GABRA1: variants seen among roughly 807,000 people sequenced by gnomAD.
GABRA1 encodes the protein gamma-aminobutyric acid receptor subunit alpha-1.
In GABRA1, 9 loss-of-function variants were observed where a neutral mutation model predicts 48.9. The observed-to-expected ratio is 0.18, with a 90% CI of 0.11 to 0.32. The LOEUF (loss-of-function observed/expected upper bound fraction) is 0.32, where lower values mean the gene tolerates loss of function less well. Ranked by LOEUF, GABRA1 falls within the 10% of genes least tolerant of loss-of-function variation. The pLI is 1.00. For missense variants in GABRA1, 285 were observed against 553.8 expected, an observed-to-expected ratio of 0.51 and a Z score of 4.87; for synonymous variants, 210 against 198.7, an observed-to-expected ratio of 1.06 and a Z score of -0.48.
At chr5:161,881,523 T>C (rs12188970) in intron 6 of GABRA1, among the ~76,000 whole-genome samples, 28,887 of 152,002 alleles carry the variant, frequency 0.19, 3,409 homozygotes, top group Middle Eastern at 0.31. Flanking sequence ...ATGTAACTCA[T>C]CATCATGGAA....
intron 3 of GABRA1, among the ~76,000 whole-genome samples, chr5:161,863,760 T>A (rs1165585523): frequency 6.6e-6 from 1 of 151,984 alleles, no homozygotes; most frequent in Non-Finnish European, 1.5e-5. Flanking sequence ...GCTTTTTTTT[T>A]TCTAACAACA....
chr5:161,893,515 G>T (rs1755215513), intron 8 of GABRA1, among the ~76,000 whole-genome samples: 1 of 151,686 alleles, frequency 6.6e-6, no homozygotes, highest in Non-Finnish European at 1.5e-5. Flanking sequence ...AAAAACAAAA[G>T]AACCAAACAA....
intron 7 of GABRA1, among the ~76,000 whole-genome samples, chr5:161,888,808 G>A (rs557477944): frequency 3.3e-5 from 5 of 152,058 alleles, no homozygotes; most frequent in Middle Eastern, 3.4e-3. Flanking sequence ...GGAACACACA[G>A]AAAATAATAA....
chr5:161,860,106 C>G (rs1301153132), intron 3 of GABRA1, among the ~76,000 whole-genome samples: 1 of 151,578 alleles, frequency 6.6e-6, no homozygotes. Flanking sequence ...TACCAAAACC[C>G]CAAGAAGAAT....
intron 6 of GABRA1, among the ~76,000 whole-genome samples, chr5:161,878,535 A>G (rs1754465886): frequency 1.3e-5 from 2 of 152,214 alleles, no homozygotes; most frequent in African/African-American, 4.8e-5. Context: ...ATAAATGTTT[A>G]TGAATATTCT....
intron 3 of GABRA1, among the ~76,000 whole-genome samples, chr5:161,861,266 G>A (rs1034452685): frequency 6.6e-6 from 1 of 151,742 alleles, no homozygotes; most frequent in East Asian, 1.9e-4. Flanking sequence ...CAGGTACTCC[G>A]TAAATGCATA....
In GABRA1 at chr5:161,873,299, G is replaced by T. The variant is rs1415205830; in HGVS notation, c.438G>T (p.Leu146=). The T allele has an allele frequency of 6.2e-7, 1 of 1,613,758 alleles. No individual in the cohort carries two copies. Residue 146 remains leucine (L), a synonymous_variant, in exon 5 of 10, where the codon CTG becomes CTT. Transcript: ENST00000393943. Reference sequence around the variant, plus strand: ...ACATGACCATGCCCAACAAACTCCTGCGGATCACAGAGGATGGCACCTTGC... The same window carrying T: ...ACATGACCATGCCCAACAAACTCCTTCGGATCACAGAGGATGGCACCTTGC... The part of the protein sequence containing the change: ...AHNMTMPNKL[L]RITEDGTLLY...
At chr5:161,885,146 G>A (rs1283361610) in intron 7 of GABRA1, among the ~76,000 whole-genome samples, 3 of 152,130 alleles carry the variant, frequency 2.0e-5, no homozygotes, top group African/African-American at 4.8e-5. Context: ...AGAACAATGA[G>A]CAAATTCTCA....
intron 2 of GABRA1, among the ~76,000 whole-genome samples, chr5:161,852,811 T>C (rs1279077165): frequency 1.3e-5 from 2 of 151,988 alleles, no homozygotes; most frequent in African/African-American, 4.8e-5. Flanking sequence ...ATTAAAACTT[T>C]ATCAGAATAA....
At position 161,897,835 on chromosome 5, in the gene GABRA1, G is replaced by A. The variant is rs886060365; in HGVS notation, c.*413G>A. ...TTTTTATGTGAAGGTGTTTCAAAGG[G>A]TAAATTATAAATGTTTCATGAAGAA... On this transcript the variant is annotated 3_prime_UTR_variant, in exon 10 of 10. Transcript: ENST00000393943. The A allele has an allele frequency of 5.7e-5, 9 of 157,920 alleles. No homozygotes were observed. The highest frequency in any genetic ancestry group is 1.3e-4 in the Non-Finnish European group (9 of 71,998). 9.8% of individuals were successfully genotyped at this position (157,920 alleles called of 1,614,324 possible).
chr5:161,881,089 T>C (rs1754593819), intron 6 of GABRA1, among the ~76,000 whole-genome samples: 1 of 152,190 alleles, frequency 6.6e-6, no homozygotes, highest in Non-Finnish European at 1.5e-5. Flanking sequence ...GAAATTAAAA[T>C]ATTTTTGTGG....
chr5:161,850,848 C>T lies in GABRA1; in HGVS notation c.38C>T (p.Ala13Val). Residue 13 changes from alanine to valine, a missense_variant, in exon 2 of 10, where the codon GCC becomes GTC. Ala to Val is a moderately conservative substitution (Grantham distance 64). This residue lies in a region of GABRA1 where 45 missense variants were observed against 39.9 expected (regional missense o/e 1.13). Transcript: ENST00000393943. ...KSPGLSDCLW[A>V]WILLLSTLTG... is the part of the protein sequence containing the mutation. ...CCAGGTCTGTCTGACTGTCTTTGGG[C>T]CTGGATCCTCCTTCTGAGCACACTG... 1 of 1,614,032 alleles carries T rather than the reference C, an allele frequency of 6.2e-7. No individual in the cohort carries two copies.
chr5:161,869,969 A>G (rs1754035845), intron 4 of GABRA1, among the ~76,000 whole-genome samples: 1 of 152,202 alleles, frequency 6.6e-6, no homozygotes, highest in Non-Finnish European at 1.5e-5. Flanking sequence ...GACCAGCTAC[A>G]TAAAAACCTA....
chr5:161,893,291 C>T (rs1041062121), intron 8 of GABRA1, among the ~76,000 whole-genome samples: 1 of 151,944 alleles, frequency 6.6e-6, no homozygotes, highest in Non-Finnish European at 1.5e-5. Context: ...AACTATATGT[C>T]TGTAAACTTA....
chr5:161,875,145 A>C (rs1017573792), intron 5 of GABRA1, among the ~76,000 whole-genome samples: 1 of 152,166 alleles, frequency 6.6e-6, no homozygotes, highest in Admixed American at 6.6e-5. Context: ...AGAGAGATGC[A>C]CTTAGAACAG....
intron 4 of GABRA1, among the ~76,000 whole-genome samples, chr5:161,871,373 A>C (rs180799480): frequency 1.3e-5 from 2 of 152,284 alleles, no homozygotes; most frequent in Admixed American, 1.3e-4. Context: ...TCAGTTGGAC[A>C]GAAACTAGAG....
intron 6 of GABRA1, among the ~76,000 whole-genome samples, chr5:161,879,143 C>G (rs943909042): frequency 1.3e-5 from 2 of 152,186 alleles, no homozygotes; most frequent in Non-Finnish European, 2.9e-5. Flanking sequence ...GGGTCTCTCT[C>G]TGTTGCCCAG....
intron 5 of GABRA1, 45 bp from the exon 6 acceptor site, chr5:161,875,515 A>G (rs1354934356): frequency 1.4e-6 from 2 of 1,437,450 alleles, no homozygotes; most frequent in Non-Finnish European, 2.0e-6. Flanking sequence ...ATCAAGAAGT[A>G]TCTAATCTAT....
At chr5:161,893,238 A>G (rs989602001) in intron 8 of GABRA1, among the ~76,000 whole-genome samples, 7 of 152,010 alleles carry the variant, frequency 4.6e-5, no homozygotes, top group Non-Finnish European at 1.0e-4. Flanking sequence ...TAACTTTTTC[A>G]GCAATCTTAT....
Sources: allele counts gnomAD v4.1 joint callset (sites outside exome capture counted in the v4.1 genomes callset), GRCh38; gene constraint gnomAD v4.1.1; regional missense constraint gnomAD v4.1.1; transcripts MANE v1.5; gene names NCBI Gene and HGNC (gene_info 2026-07-23, HGNC 2026-07-21).